The following AOAH variants were observed in gnomAD, a reference collection of about 807,000 sequenced individuals.
AOAH encodes acyloxyacyl hydrolase (neutrophil).
A neutral mutation model predicts 92.2 loss-of-function variants in AOAH; 64 were observed. The observed-to-expected ratio is 0.69, with a 90% CI of 0.57 to 0.86. AOAH has a LOEUF of 0.86. Among genes scored for constraint, AOAH ranks in the 40% least tolerant of loss-of-function variants. AOAH has a pLI of 0.00. For synonymous variants in AOAH, 263 were observed against 254.5 expected, an observed-to-expected ratio of 1.03 and a Z score of -0.32; for missense variants, 656 against 694.6, an observed-to-expected ratio of 0.94 and a Z score of 0.62.
At chr7:36,634,280 C>T (rs1022341801) in intron 5 of AOAH, among the ~76,000 whole-genome samples, 3 of 152,114 alleles carry the variant, frequency 2.0e-5, no homozygotes, top group African/African-American at 4.8e-5. Flanking sequence ...GCAGACAGCT[C>T]GGCGCCACAC....
At chr7:36,717,247 T>C (rs962928913) in intron 1 of AOAH, among the ~76,000 whole-genome samples, 6 of 152,098 alleles carry the variant, frequency 3.9e-5, no homozygotes, top group Non-Finnish European at 8.8e-5. Flanking sequence ...GTAGGCTCAA[T>C]AGCTCAGTAA....
chr7:36,629,840 G>C (rs1047284744), intron 6 of AOAH, among the ~76,000 whole-genome samples: 5 of 152,152 alleles, frequency 3.3e-5, no homozygotes, highest in Non-Finnish European at 7.3e-5. Flanking sequence ...TCTTTGTTAG[G>C]GGTTGAATTG....
chr7:36,672,031 G>A (rs1006337204), intron 3 of AOAH, among the ~76,000 whole-genome samples: 1 of 152,204 alleles, frequency 6.6e-6, no homozygotes, highest in African/African-American at 2.4e-5. Context: ...GCAGGGCAAT[G>A]GGCAAGTTTG....
chr7:36,673,406 A>G (rs374804566), intron 3 of AOAH, among the ~76,000 whole-genome samples: 2,925 of 59,444 alleles, frequency 0.049, 94 homozygotes, highest in African/African-American at 0.23. Context: ...GTGTGGTGGC[A>G]CATGCCCGCC....
At chr7:36,697,082 AG>A (rs1797766447) in intron 1 of AOAH, among the ~76,000 whole-genome samples, 1 of 152,168 alleles carries the variant, frequency 6.6e-6, no homozygotes, top group Admixed American at 6.5e-5. Flanking sequence ...AATGTTGACT[AG>A]AAGTGGTGAG....
In AOAH at chr7:36,704,630, C is replaced by T. The variant is rs544567296; in HGVS notation, c.128-17836G>A. Among the ~76,000 whole-genome samples the T allele has an allele frequency of 9.9e-5, 15 of 152,256 alleles. No homozygotes were observed. The South Asian group carries it at 3.1e-3, about 32-fold the overall frequency. ...ACAATAGAAAAAGAGGGACTCCTCC[C>T]TAACTCATTTTATGAGGCCAGCATC... On this transcript the variant is annotated intron_variant, in intron 1 of 20. Transcript: ENST00000617537.
intron 1 of AOAH, among the ~76,000 whole-genome samples, chr7:36,703,408 A>G (rs1798157445): frequency 6.6e-6 from 1 of 152,142 alleles, no homozygotes; most frequent in African/African-American, 2.4e-5. Context: ...CTCTTTTTAA[A>G]TTATACTTTA....
At chr7:36,698,050 T>A (rs1797824901) in intron 1 of AOAH, among the ~76,000 whole-genome samples, 1 of 152,136 alleles carries the variant, frequency 6.6e-6, no homozygotes, top group Non-Finnish European at 1.5e-5. Context: ...CCACCTAATT[T>A]ATGGTAATGT....
At chr7:36,622,578 C>T (rs750914161) in intron 7 of AOAH, among the ~76,000 whole-genome samples, 4 of 152,114 alleles carry the variant, frequency 2.6e-5, no homozygotes, top group Admixed American at 1.3e-4. Flanking sequence ...CACACACACA[C>T]GTTAAAAAGT....
In AOAH at chr7:36,594,409, T is replaced by C; in HGVS notation, c.868A>G (p.Thr290Ala). Residue 290 changes from threonine (T) to alanine (A), a missense_variant, in exon 12 of 21, where the codon ACA (threonine) becomes GCA (alanine). Coordinates refer to ENST00000617537, the MANE Select transcript of AOAH (RefSeq NM_001637.4). ...MSLNSFINLPTALTNELDWPQ... is the reference protein window; with the variant it reads ...MSLNSFINLPAALTNELDWPQ... ...CAGTCAAGCTCGTTGGTAAGGGCTG[T>C]TGGTAGATTGATGAAAGAGTTCTAA... is the stretch of plus-strand genomic sequence containing the variant. The C allele has an allele frequency of 6.2e-6, 10 of 1,613,950 alleles. No homozygotes were observed. The highest frequency in any genetic ancestry group is 8.5e-6 in the Non-Finnish European group (10 of 1,179,794).
rs1791731742 is a variant in AOAH at position 36,614,693 on chromosome 7, CT to C, written c.846+1686del. On this transcript the variant is annotated intron_variant, in intron 11 of 20. Transcript: ENST00000617537. The surrounding 1 kb of genome is among the most constrained non-coding windows in gnomAD (Gnocchi z 4.2). ...GTTAACCTTTGGTCCTTTTGGGAATCTGGGCACAGGCAAGAGGAAGATTGGG... is the reference window on the plus strand; with the variant it reads ...GTTAACCTTTGGTCCTTTTGGGAATCGGGCACAGGCAAGAGGAAGATTGGG... Among the ~76,000 whole-genome samples, 1 of 152,234 alleles carries C rather than the reference CT, an allele frequency of 6.6e-6. No homozygotes were observed. The highest frequency in any genetic ancestry group is 2.1e-4 in the South Asian group (1 of 4,834).
chr7:36,618,113 T>C (rs752698598), intron 10 of AOAH, among the ~76,000 whole-genome samples, 184 bp downstream of exon 10: 6 of 152,232 alleles, frequency 3.9e-5, no homozygotes, highest in Non-Finnish European at 7.3e-5. Context: ...CTTTCCTCCT[T>C]TTCTGAACCT....
At chr7:36,558,070 A>T (rs1237607204) in intron 13 of AOAH, among the ~76,000 whole-genome samples, 1 of 152,180 alleles carries the variant, frequency 6.6e-6, no homozygotes, top group Non-Finnish European at 1.5e-5. Flanking sequence ...TCTGCTTTTT[A>T]GAGTTTCCAG....
At chr7:36,668,636 A>G (rs930112792) in intron 3 of AOAH, among the ~76,000 whole-genome samples, 2 of 152,082 alleles carry the variant, frequency 1.3e-5, no homozygotes, top group Non-Finnish European at 2.9e-5. Context: ...AGAGAGGTGC[A>G]CCGCCACCCC....
intron 13 of AOAH, among the ~76,000 whole-genome samples, chr7:36,572,596 A>T (rs897282826): frequency 1.3e-5 from 2 of 152,052 alleles, no homozygotes; most frequent in African/African-American, 4.8e-5. Context: ...AAATAATAAT[A>T]CAGTTGGTAG....
intron 4 of AOAH, among the ~76,000 whole-genome samples, chr7:36,655,436 G>T (rs1692533312): frequency 1.4e-5 from 2 of 139,996 alleles, no homozygotes; most frequent in South Asian, 5.3e-4. Flanking sequence ...TAGAGGGAAT[G>T]ATGAAGATCC....
At chr7:36,517,961 A>G (rs1221845719) in intron 20 of AOAH, among the ~76,000 whole-genome samples, 3 of 146,246 alleles carry the variant, frequency 2.1e-5, no homozygotes, top group African/African-American at 5.2e-5. Flanking sequence ...ACACACACAC[A>G]CACACACACG....
chr7:36,516,640 G>A lies in AOAH; in HGVS notation c.1600-3260C>T, dbSNP rs918211951. 2.6e-5 allele frequency among the ~76,000 whole-genome samples: 4 copies of A among 152,198 alleles called. No homozygotes were observed. The highest frequency in any genetic ancestry group is 2.1e-4 in the South Asian group (1 of 4,824). ...TCAGGACCTTTGAAGACAGAGGCCC[G>A]GGCTTGTGGCTGTTTTCCTGCCATT... On this transcript the variant is annotated intron_variant, in intron 20 of 20. Transcript: ENST00000617537. The surrounding 1 kb of genome is among the most constrained non-coding windows in gnomAD (Gnocchi z 5.0).
intron 1 of AOAH, among the ~76,000 whole-genome samples, chr7:36,717,199 G>A (rs1042432942): frequency 1.3e-5 from 2 of 152,066 alleles, no homozygotes; most frequent in South Asian, 2.1e-4. Context: ...GCGGGGTTAC[G>A]CTTTGGGATT....
Sources: allele counts gnomAD v4.1 joint callset (sites outside exome capture counted in the v4.1 genomes callset), GRCh38; gene constraint gnomAD v4.1.1; non-coding constraint Gnocchi (gnomAD v3.1); transcripts MANE v1.5; gene names NCBI Gene and HGNC (gene_info 2026-07-23, HGNC 2026-07-21).